HACL2: variants seen among roughly 807,000 people sequenced by gnomAD.
The protein encoded by HACL2 is 2-hydroxyacyl-CoA lyase 2, also known as 2-hydroxyacyl-CoA lyase 1 like.
chr19:15,125,187 G>A, the HACL2 span: 2 of 1,042,232 alleles, frequency 1.9e-6, no homozygotes. Context: ...GTTTCTGTGC[G>A]GCCACGCCCC....
chr19:15,119,265 C>T, the HACL2 span: 1 of 1,609,994 alleles, frequency 6.2e-7, no homozygotes, highest in Non-Finnish European at 8.5e-7. Context: ...GCCATCCCTC[C>T]AAGGAAGCAG....
the HACL2 span, among the ~76,000 whole-genome samples, chr19:15,121,015 G>C: frequency 6.6e-6 from 1 of 152,192 alleles, no homozygotes; most frequent in Non-Finnish European, 1.5e-5. Context: ...AGAACAAGGG[G>C]AGGGACTGAC....
the HACL2 span, among the ~76,000 whole-genome samples, chr19:15,122,441 AAGG>A: frequency 5.9e-5 from 9 of 152,028 alleles, no homozygotes; most frequent in South Asian, 2.1e-4. This position sits in a 1 kb window ranked among gnomAD's most constrained non-coding sequence, Gnocchi z 4.0. Flanking sequence ...AGAAAGGGAA[AAGG>A]AGGAGGAGGA....
At chr19:15,116,178 C>T in the HACL2 span, 12 of 1,613,590 alleles carry the variant, frequency 7.4e-6, no homozygotes, top group South Asian at 3.3e-5. Flanking sequence ...CAGGGGGCCG[C>T]GGGGCTGTAC....
chr19:15,121,523 A>G, the HACL2 span, among the ~76,000 whole-genome samples: 1 of 152,104 alleles, frequency 6.6e-6, no homozygotes, highest in African/African-American at 2.4e-5. Flanking sequence ...AGGAAGAAGA[A>G]GAAGAGAAGA....
the HACL2 span, chr19:15,123,847 T>G: frequency 3.8e-6 from 2 of 519,976 alleles, no homozygotes; most frequent in Non-Finnish European, 6.9e-6. This position sits in a 1 kb window ranked among gnomAD's most constrained non-coding sequence, Gnocchi z 5.1. Flanking sequence ...GAACCCACGC[T>G]CTTAAGTGCC....
the HACL2 span, chr19:15,124,359 G>A: frequency 7.5e-4 from 115 of 153,252 alleles, no homozygotes; most frequent in Non-Finnish European, 1.4e-3. Context: ...TTCAAACAGA[G>A]GTGCAAGGAG....
chr19:15,122,839 T>A, the HACL2 span: 1 of 1,613,708 alleles, frequency 6.2e-7, no homozygotes, highest in Non-Finnish European at 8.5e-7. This position sits in a 1 kb window ranked among gnomAD's most constrained non-coding sequence, Gnocchi z 4.0. Context: ...GTCCATAACA[T>A]GTCCCCAGCC....
At chr19:15,122,942 A>G in the HACL2 span, 1 of 1,605,724 alleles carries the variant, frequency 6.2e-7, no homozygotes. The surrounding 1 kb of genome is among the most constrained non-coding windows in gnomAD (Gnocchi z 4.0). Context: ...GGTGGGCACA[A>G]TGTCCCGCAC....
At chr19:15,120,173 GC>G in the HACL2 span, 1 of 821,358 alleles carries the variant, frequency 1.2e-6, no homozygotes, top group Non-Finnish European at 1.9e-6. Flanking sequence ...CGGGAGAAAA[GC>G]CAGGAGCAAA....
the HACL2 span, among the ~76,000 whole-genome samples, chr19:15,118,855 C>T: frequency 2.0e-5 from 3 of 152,344 alleles, no homozygotes; most frequent in East Asian, 5.8e-4. Context: ...AGCACAGCTG[C>T]CTTCCTGCCT....
the HACL2 span, chr19:15,117,802 T>C: frequency 6.4e-7 from 1 of 1,570,996 alleles, no homozygotes; most frequent in Non-Finnish European, 8.7e-7. Context: ...TGTACCAGGC[T>C]CAAGCCAGCT....
At chr19:15,120,886 C>G in the HACL2 span, among the ~76,000 whole-genome samples, 1 of 152,046 alleles carries the variant, frequency 6.6e-6, no homozygotes, top group Non-Finnish European at 1.5e-5. Flanking sequence ...GAGCTATGAT[C>G]ATACCACTGC....
At chr19:15,123,296 C>A in the HACL2 span, 1 of 1,606,776 alleles carries the variant, frequency 6.2e-7, no homozygotes, top group Non-Finnish European at 8.5e-7. This position sits in a 1 kb window ranked among gnomAD's most constrained non-coding sequence, Gnocchi z 5.1. Flanking sequence ...CATTCTTCCA[C>A]CTCTGAAAAA....
the HACL2 span, chr19:15,116,232 A>G: frequency 6.2e-7 from 1 of 1,613,858 alleles, no homozygotes; most frequent in African/African-American, 1.3e-5. Context: ...ATCCACCACC[A>G]GAATTGAGTT....
At chr19:15,121,490 AGAG>A in the HACL2 span, among the ~76,000 whole-genome samples, 5 of 152,088 alleles carry the variant, frequency 3.3e-5, no homozygotes, top group African/African-American at 1.2e-4. Flanking sequence ...AAGAAGAGGA[AGAG>A]GAGGAGGAGA....
chr19:15,123,084 T>TA, the HACL2 span: 6 of 1,611,752 alleles, frequency 3.7e-6, no homozygotes, highest in Non-Finnish European at 5.1e-6. This position sits in a 1 kb window ranked among gnomAD's most constrained non-coding sequence, Gnocchi z 5.1. Flanking sequence ...CAAGCCCCCC[T>TA]AGGCCCCCAC....
At chr19:15,124,780 G>A in the HACL2 span, 1 of 1,109,678 alleles carries the variant, frequency 9.0e-7, no homozygotes, top group African/African-American at 1.6e-5. Context: ...TGGAGACAGG[G>A]CCCTGGACAG....
At chr19:15,125,128 A>C in the HACL2 span, 1 of 1,423,298 alleles carries the variant, frequency 7.0e-7, no homozygotes, top group East Asian at 2.6e-5. Context: ...TCCGGAAGAA[A>C]TCGCGCCCCT....
Sources: gnomAD v4.1 joint callset for allele counts (sites outside exome capture counted in the v4.1 genomes callset) on GRCh38, gnomAD v4.1.1 for gene constraint, Gnocchi (gnomAD v3.1) non-coding constraint, MANE v1.5 for transcripts, NCBI Gene and HGNC (gene_info 2026-07-23, HGNC 2026-07-21) for gene names.